CRTAC1: variants seen among roughly 807,000 people sequenced by gnomAD.
The protein encoded by CRTAC1 is acidic secreted protein in cartilage.
Under a neutral mutation model 67.8 loss-of-function variants are expected in CRTAC1, and 37 were observed. The ratio of observed to expected loss-of-function variants is 0.55; its 90% confidence interval spans 0.42 to 0.72. The LOEUF is 0.72. Among genes scored for constraint, CRTAC1 ranks in the 30% least tolerant of loss-of-function variants. The probability of loss-of-function intolerance (pLI) is 0.00; values close to 1 mark genes in which losing one functional copy is unlikely to be tolerated. For missense variants in CRTAC1, 780 were observed against 931.6 expected (o/e 0.84, Z 2.12); for synonymous variants, 348 against 371.0 (o/e 0.94, Z 0.71).
In CRTAC1 at chr10:97,942,949, G is replaced by A. The variant is rs138877520; in HGVS notation, c.225-6583C>T. On this transcript the variant is annotated intron_variant, in intron 2 of 14. Transcript: ENST00000370597. The stretch of plus-strand genomic sequence containing the variant: ...TAGCCGGGTGTGGTGGTGCATTCCT[G>A]TAGTCCCAGTTACTCAGGAGGCTGA... 1.7e-3 allele frequency among the ~76,000 whole-genome samples: 261 copies of A among 152,086 alleles called. 5 individuals carry two copies. In the East Asian group the frequency reaches 0.027, roughly 16 times the overall value.
At position 98,030,267 on chromosome 10, in the gene CRTAC1, C is replaced by A. The variant is rs1212782525; in HGVS notation, c.24+182G>T. 6.6e-6 allele frequency among the ~76,000 whole-genome samples: 1 copy of A among 152,108 alleles called. No homozygotes were observed. Among genetic ancestry groups the A allele is most frequent in the Non-Finnish European group, 1.5e-5 (1 of 67,984 alleles). On this transcript the variant is annotated intron_variant, in intron 1 of 14. Transcript: ENST00000370597. The surrounding 1 kb of genome is among the most constrained non-coding windows in gnomAD (Gnocchi z 4.2). ...CCCCCAGCCCGCGGGGGAGGCTCCG[C>A]GCGCCAATCGAGTCCAGCGCCTCCC...
chr10:97,907,746 C>T (rs932085813), intron 6 of CRTAC1, among the ~76,000 whole-genome samples: 7 of 152,004 alleles, frequency 4.6e-5, no homozygotes, highest in African/African-American at 1.7e-4. Flanking sequence ...CTTGGAGGGT[C>T]GCGGGCAATC....
intron 2 of CRTAC1, among the ~76,000 whole-genome samples, chr10:97,947,114 A>C (rs1330241202): frequency 6.6e-6 from 1 of 152,222 alleles, no homozygotes; most frequent in Non-Finnish European, 1.5e-5. Context: ...TTAGGGACAG[A>C]ATAGTTGGGG....
chr10:97,923,358 T>C lies in CRTAC1; in HGVS notation c.464A>G (p.Asn155Ser), dbSNP rs1203117389. Reference sequence around the variant, plus strand: ...ATCGCTCAGGATGTCTTCCCACCGGTTATTGCGGAACTTGAACAACTTGTC... The same window carrying C: ...ATCGCTCAGGATGTCTTCCCACCGGCTATTGCGGAACTTGAACAACTTGTC... ...YTDKLFKFRNNRWEDILSDEV... is the reference protein window; with the variant it reads ...YTDKLFKFRNSRWEDILSDEV... Residue 155 changes from asparagine (N) to serine (S), a missense_variant, in exon 4 of 15, where the codon AAC becomes AGC. By Grantham distance (46) the Asn-to-Ser change is conservative. Coordinates refer to ENST00000370597, the MANE Select transcript of CRTAC1 (RefSeq NM_018058.7). 2 of 1,613,840 alleles carry C rather than the reference T, an allele frequency of 1.2e-6. No individual in the cohort carries two copies. The highest frequency in any genetic ancestry group is 1.7e-6 in the Non-Finnish European group (2 of 1,179,994).
chr10:97,987,754 C>T (rs974887992), intron 2 of CRTAC1, among the ~76,000 whole-genome samples: 2 of 152,226 alleles, frequency 1.3e-5, no homozygotes, highest in Admixed American at 6.5e-5. Context: ...GTGTCTCTAG[C>T]GCTGAATACA....
chr10:97,995,393 G>A (rs988413717), intron 2 of CRTAC1, among the ~76,000 whole-genome samples: 7 of 152,168 alleles, frequency 4.6e-5, no homozygotes, highest in African/African-American at 1.7e-4. Flanking sequence ...GAGAGTTCGA[G>A]CATCTCTGAA....
intron 14 of CRTAC1, among the ~76,000 whole-genome samples, chr10:97,875,093 C>T (rs2050132174): frequency 6.6e-6 from 1 of 152,182 alleles, no homozygotes; most frequent in South Asian, 2.1e-4. Flanking sequence ...AAATAACTTC[C>T]CCAGTGTCAG....
chr10:97,931,072 A>G (rs1400525049), intron 3 of CRTAC1, among the ~76,000 whole-genome samples: 1 of 152,252 alleles, frequency 6.6e-6, no homozygotes, highest in East Asian at 1.9e-4. Context: ...TGAGCAGATA[A>G]GAAATTCAAA....
At chr10:98,006,513 GCACACGCCTTCCAT>G (rs1842794469) in intron 2 of CRTAC1, among the ~76,000 whole-genome samples, 1 of 152,146 alleles carries the variant, frequency 6.6e-6, no homozygotes. Context: ...TCAGAGACAT[GCACACGCCTTCCAT>G]CACAATTAAC....
chr10:97,936,953 A>G (rs993461418), intron 2 of CRTAC1, among the ~76,000 whole-genome samples: 3 of 152,106 alleles, frequency 2.0e-5, no homozygotes, highest in African/African-American at 7.2e-5. Context: ...TGTGTGAATG[A>G]GCCCTGGAGG....
chr10:98,018,035 A>G (rs1048592421), intron 1 of CRTAC1, among the ~76,000 whole-genome samples: 2 of 151,212 alleles, frequency 1.3e-5, no homozygotes, highest in Admixed American at 1.3e-4. Flanking sequence ...CGTCTCTACT[A>G]AAAATACAAC....
chr10:97,934,889 C>T (rs568183890), intron 3 of CRTAC1, among the ~76,000 whole-genome samples: 64 of 150,688 alleles, frequency 4.2e-4, no homozygotes, highest in African/African-American at 1.5e-3. Context: ...AGAGATGTTA[C>T]AGCCCCACAG....
intron 1 of CRTAC1, among the ~76,000 whole-genome samples, chr10:98,014,582 C>T (rs898248221): frequency 4.6e-5 from 7 of 152,030 alleles, no homozygotes; most frequent in African/African-American, 1.7e-4. Context: ...GTATTAATAT[C>T]CAGAATATAT....
intron 11 of CRTAC1, among the ~76,000 whole-genome samples, chr10:97,890,461 A>C (rs1363310367): frequency 6.6e-6 from 1 of 152,200 alleles, no homozygotes; most frequent in East Asian, 1.9e-4. Context: ...ACAATTGGAA[A>C]ATATCATTCT....
chr10:97,865,209 G>T lies in CRTAC1; in HGVS notation c.*339C>A. 1 of 234,716 alleles carries T rather than the reference G, an allele frequency of 4.3e-6. No homozygotes were observed. Among genetic ancestry groups the T allele is most frequent in the Non-Finnish European group, 8.2e-6 (1 of 121,708 alleles). 14.5% of individuals were successfully genotyped at this position (234,716 alleles called of 1,614,324 possible). ...AGGTCACATAGCTTTGTGAGTTCCT[G>T]AATCAGGATTTGAACTCAGGACACT... On this transcript the variant is annotated 3_prime_UTR_variant, in exon 15 of 15. Transcript: ENST00000370597.
At chr10:97,897,863 G>T (rs912703673) in intron 8 of CRTAC1, among the ~76,000 whole-genome samples, 1 of 152,168 alleles carries the variant, frequency 6.6e-6, no homozygotes, top group African/African-American at 2.4e-5. Flanking sequence ...AATTGGCATC[G>T]CACTTCCTAC....
intron 2 of CRTAC1, among the ~76,000 whole-genome samples, chr10:98,004,398 C>T (rs1201441444): frequency 1.3e-5 from 2 of 152,224 alleles, no homozygotes; most frequent in Admixed American, 6.5e-5. Flanking sequence ...CTGGAGCATA[C>T]ATGGCTGTAC....
intron 13 of CRTAC1, among the ~76,000 whole-genome samples, chr10:97,881,297 C>T (rs2050210441): frequency 6.6e-6 from 1 of 152,190 alleles, no homozygotes; most frequent in Non-Finnish European, 1.5e-5. Flanking sequence ...GTCCTGTCTC[C>T]CGCTTTTCAC....
intron 2 of CRTAC1, among the ~76,000 whole-genome samples, chr10:97,954,441 A>G (rs1448674212): frequency 6.6e-6 from 1 of 152,220 alleles, no homozygotes; most frequent in African/African-American, 2.4e-5. Context: ...GCTGGGGTTC[A>G]GGAGGAAAGC....
Sources: allele counts gnomAD v4.1 joint callset (sites outside exome capture counted in the v4.1 genomes callset), GRCh38; gene constraint gnomAD v4.1.1; non-coding constraint Gnocchi (gnomAD v3.1); transcripts MANE v1.5; gene names NCBI Gene and HGNC (gene_info 2026-07-23, HGNC 2026-07-21).